Variants in BIRC6 observed in about 807,000 individuals in gnomAD.
BIRC6 encodes the protein dual E2 ubiquitin-conjugating enzyme/E3 ubiquitin-protein ligase BIRC6.
BIRC6 carries 98 observed loss-of-function variants against 503.3 expected under a neutral mutation model. That is an observed-to-expected ratio of 0.19 (90% CI 0.17 to 0.23). The LOEUF (loss-of-function observed/expected upper bound fraction) is 0.23. BIRC6 is among the 10% of genes least tolerant of loss of function. The pLI, the probability that BIRC6 is intolerant of heterozygous loss-of-function variation, is 1.00. For missense variants in BIRC6, 5,360 were observed against 5,806.0 expected (o/e 0.92, Z 2.50); for synonymous variants, 2,240 against 2,078.7 (o/e 1.08, Z -2.11).
intron 10 of BIRC6, among the ~76,000 whole-genome samples, chr2:32,419,857 C>G (rs79850641): frequency 0.04 from 6,056 of 152,150 alleles, 165 homozygotes; most frequent in Non-Finnish European, 0.063. Context: ...GTACTTGTTT[C>G]TTGTGGAAAA....
At chr2:32,478,887 A>G (rs2050063869) in intron 36 of BIRC6, 69 bp downstream of exon 36, 1 of 1,494,474 alleles carries the variant, frequency 6.7e-7, no homozygotes, top group Non-Finnish European at 9.2e-7. Context: ...AGAATCTTCA[A>G]AGGGATCTTT....
chr2:32,532,028 A>G (rs1285541546), intron 61 of BIRC6: 2 of 485,028 alleles, frequency 4.1e-6, no homozygotes, highest in Non-Finnish European at 8.3e-6. Flanking sequence ...TGTGCTTTCC[A>G]TGCTCTTGTA....
intron 1 of BIRC6, among the ~76,000 whole-genome samples, chr2:32,374,853 T>C (rs1426944088): frequency 2.0e-5 from 3 of 152,104 alleles, no homozygotes; most frequent in African/African-American, 4.8e-5. Context: ...GATCCTTCCG[T>C]GTAGGCCTCC....
At chr2:32,501,012 G>A (rs906828724) in intron 46 of BIRC6, among the ~76,000 whole-genome samples, 1 of 151,680 alleles carries the variant, frequency 6.6e-6, no homozygotes, top group Non-Finnish European at 1.5e-5. Context: ...GTTCACATTT[G>A]CTTTAAAAAT....
At chr2:32,458,665 T>C (rs2047504339) in intron 23 of BIRC6, among the ~76,000 whole-genome samples, 1 of 151,356 alleles carries the variant, frequency 6.6e-6, no homozygotes, top group Non-Finnish European at 1.5e-5. Context: ...ATTTGGCCTT[T>C]TGTTAATACT....
chr2:32,360,820 G>T (rs2033955145), intron 1 of BIRC6, among the ~76,000 whole-genome samples: 1 of 152,110 alleles, frequency 6.6e-6, no homozygotes, highest in South Asian at 2.1e-4. Flanking sequence ...CATATTTCAA[G>T]CTCCTTGTGG....
chr2:32,507,753 G>A (rs577612793), intron 50 of BIRC6, among the ~76,000 whole-genome samples: 2 of 152,212 alleles, frequency 1.3e-5, no homozygotes, highest in South Asian at 2.1e-4. Context: ...ATATTAGACT[G>A]TTTAAGTATA....
At chr2:32,364,209 G>C (rs969300915) in intron 1 of BIRC6, among the ~76,000 whole-genome samples, 2 of 152,108 alleles carry the variant, frequency 1.3e-5, no homozygotes, top group African/African-American at 2.4e-5. Context: ...TTCCAGATCT[G>C]TGTTGCAGTG....
At chr2:32,496,324 C>T (rs992783012) in intron 45 of BIRC6, among the ~76,000 whole-genome samples, 1 of 151,736 alleles carries the variant, frequency 6.6e-6, no homozygotes, top group African/African-American at 2.4e-5. Context: ...CTCCTGGGTT[C>T]GTGCAATTCT....
At chr2:32,364,759 T>C in intron 1 of BIRC6, among the ~76,000 whole-genome samples, 1 of 106,336 alleles carries the variant, frequency 9.4e-6, no homozygotes, top group African/African-American at 3.5e-5. Context: ...AGATCGGGTG[T>C]TTTTTTTTTT....
chr2:32,386,307 A>G (rs1011240101), intron 3 of BIRC6, among the ~76,000 whole-genome samples: 7 of 152,200 alleles, frequency 4.6e-5, no homozygotes, highest in African/African-American at 1.7e-4. Flanking sequence ...AAGATACCTC[A>G]TTTGGAAAAG....
chr2:32,375,071 A>G (rs1408271920), intron 1 of BIRC6, among the ~76,000 whole-genome samples: 1 of 152,158 alleles, frequency 6.6e-6, no homozygotes, highest in Non-Finnish European at 1.5e-5. Flanking sequence ...CCTTTTGTGT[A>G]TATGTATGTC....
At chr2:32,504,883 C>G (rs1052841121) in intron 49 of BIRC6, 122 bp from the exon 50 acceptor site, 8 of 873,944 alleles carry the variant, frequency 9.2e-6, no homozygotes, top group Non-Finnish European at 1.4e-5. Context: ...AAGTGCATTA[C>G]CAGCATCAAT....
chr2:32,466,836 G>A (rs1027600704), intron 26 of BIRC6, among the ~76,000 whole-genome samples: 7 of 151,968 alleles, frequency 4.6e-5, no homozygotes, highest in African/African-American at 1.7e-4. Flanking sequence ...AAAGAGACGG[G>A]TGGCTAGGTG....
chr2:32,446,709 C>G (rs933594192), intron 21 of BIRC6, among the ~76,000 whole-genome samples: 2 of 121,528 alleles, frequency 1.6e-5, no homozygotes, highest in Non-Finnish European at 3.2e-5. Context: ...TTTGATGGGT[C>G]AAATCTAGTC....
chr2:32,513,077 A>G lies in BIRC6; in HGVS notation c.10491A>G (p.Val3497=). The stretch of plus-strand genomic sequence containing the variant: ...CATCTCCTTCTCATTTGCACTGTGT[A>G]GCAGCCATTCTGTGGCATAGTTATG... The part of the protein sequence containing the change: ...LMPSPSHLHC[V]AAILWHSYEL... Residue 3497 remains valine, a synonymous_variant, in exon 54 of 74, where the codon GTA becomes GTG. Coordinates refer to ENST00000421745, the MANE Select transcript of BIRC6 (RefSeq NM_016252.4). 2 of 1,613,962 alleles carry G rather than the reference A, an allele frequency of 1.2e-6. No homozygotes were observed. The highest frequency in any genetic ancestry group is 1.7e-6 in the Non-Finnish European group (2 of 1,179,854).
intron 10 of BIRC6, 110 bp from the exon 11 acceptor site, chr2:32,429,036 T>G: frequency 3.2e-6 from 3 of 945,074 alleles, no homozygotes; most frequent in Non-Finnish European, 4.5e-6. Flanking sequence ...TTGGTAGCTT[T>G]CCTTATCTGC....
At chr2:32,524,240 A>G (rs559171879) in intron 57 of BIRC6, among the ~76,000 whole-genome samples, 24 of 152,216 alleles carry the variant, frequency 1.6e-4, no homozygotes, top group African/African-American at 3.1e-4. Context: ...ATAACTATCT[A>G]TGAGAGCCCT....
intron 70 of BIRC6, among the ~76,000 whole-genome samples, chr2:32,601,433 T>A (rs958224111): frequency 1.3e-5 from 2 of 151,952 alleles, no homozygotes; most frequent in African/African-American, 2.4e-5. Flanking sequence ...AATACAAAAT[T>A]AGCTGGGCGT....
Sources: gnomAD v4.1 joint callset for allele counts (sites outside exome capture counted in the v4.1 genomes callset) on GRCh38, gnomAD v4.1.1 for gene constraint, MANE v1.5 for transcripts, NCBI Gene and HGNC (gene_info 2026-07-23, HGNC 2026-07-21) for gene names.